Variants in DTYMK observed in about 807,000 individuals in gnomAD.
DTYMK encodes thymidylate kinase.
DTYMK carries 20 observed loss-of-function variants against 20.3 expected under a neutral mutation model. The ratio of observed to expected loss-of-function variants is 0.99; its 90% CI spans 0.69 to 1.43. The LOEUF (loss-of-function observed/expected upper bound fraction) is 1.43, where lower values mean the gene tolerates loss of function less well. DTYMK is among the 40% of genes most tolerant of loss of function. The pLI, the probability that DTYMK is intolerant of heterozygous loss-of-function variation, is 0.00. For synonymous variants in DTYMK, 148 were observed against 124.4 expected (o/e 1.19, Z -1.27); for missense variants, 320 against 291.1 (o/e 1.10, Z -0.72).
chr2:241,680,787 C>G (rs533579200), intron 2 of DTYMK, among the ~76,000 whole-genome samples: 2 of 152,318 alleles, frequency 1.3e-5, no homozygotes, highest in South Asian at 4.1e-4. Context: ...TGGATCTTCT[C>G]TAGAAGATGC....
intron 4 of DTYMK, among the ~76,000 whole-genome samples, chr2:241,676,818 G>A (rs1449700985): frequency 6.6e-6 from 1 of 152,258 alleles, no homozygotes; most frequent in African/African-American, 2.4e-5. Flanking sequence ...CTCGCAAGCG[G>A]CGAGTCGGAA....
rs1392967124 is a variant in DTYMK, at chr2:241,677,370, C to T, written c.528+1082G>A. Among the ~76,000 whole-genome samples, 3 of 152,362 alleles carry T rather than the reference C, an allele frequency of 2.0e-5. 1 individual carries two copies. Among genetic ancestry groups the T allele is most frequent in the Admixed American group, 2.0e-4 (3 of 15,308 alleles). ...GGCGGAATGACTGCCAGAGAGAATG[C>T]CGCACTGCCAGAAAAGGGCACTGCT... is the stretch of plus-strand genomic sequence containing the variant. On this transcript the variant is annotated intron_variant, in intron 4 of 4. Transcript: ENST00000305784.
rs2069178552 is a variant in DTYMK at position 241,678,875 on chromosome 2, A to G, written c.331-226T>C. Among the ~76,000 whole-genome samples, 2 of 152,216 alleles carry G rather than the reference A, an allele frequency of 1.3e-5. 1 individual carries two copies. The highest frequency in any genetic ancestry group is 4.1e-4 in the South Asian group (2 of 4,826). Reference sequence around the variant, plus strand: ...CAAGTGGACAGAAAAGTAGGTAGATAGAACGGCTGCCAGTCCCCGCCACCC... The same window carrying G: ...CAAGTGGACAGAAAAGTAGGTAGATGGAACGGCTGCCAGTCCCCGCCACCC... On this transcript the variant is annotated intron_variant, in intron 3 of 4. Transcript: ENST00000305784.
chr2:241,686,625 G>A (rs1306282944), intron 1 of DTYMK, 29 bp downstream of exon 1: 3 of 1,477,760 alleles, frequency 2.0e-6, no homozygotes, highest in Admixed American at 2.6e-5. Flanking sequence ...ACCGAAGGCC[G>A]CGGCGCACCC....
chr2:241,681,518 C>T lies in DTYMK; in HGVS notation c.240-1199G>A, dbSNP rs558310034. Among the ~76,000 whole-genome samples the T allele has an allele frequency of 2.4e-4, 36 of 152,112 alleles. 1 individual carries two copies. Among genetic ancestry groups the T allele is most frequent in the African/African-American group, 8.2e-4 (34 of 41,506 alleles). On this transcript the variant is annotated intron_variant, in intron 2 of 4. Transcript: ENST00000305784. ...CTGCCTGGGCAATATAGTGAGACCC[C>T]GTTCTCCACAAAAAGTGGGGGAAAA... is the stretch of plus-strand genomic sequence containing the variant.
chr2:241,678,693 GT>G, intron 3 of DTYMK, 44 bp from the exon 4 acceptor site: 18 of 1,596,886 alleles, frequency 1.1e-5, no homozygotes, highest in Non-Finnish European at 1.5e-5. Context: ...TGTAGTCTAG[GT>G]TTTTGTTTCG....
At position 241,676,145 on chromosome 2, in the gene DTYMK, C is replaced by T; in HGVS notation, c.621G>A (p.Leu207=). ...DAIRTATEKP[L]GELWK ...CCTTGGGTCACTTCCATAGCTCCCCCAGCGGCTTCTCTGTGGCAGTGCGGA... is the reference window on the plus strand; with the variant it reads ...CCTTGGGTCACTTCCATAGCTCCCCTAGCGGCTTCTCTGTGGCAGTGCGGA... The change falls in exon 5 of 5, where the codon CTG becomes CTA. Residue 207 remains leucine, a synonymous_variant. Transcript: ENST00000305784. 6.2e-7 allele frequency: 1 copy of T among 1,612,354 alleles called. No individual in the cohort carries two copies.
intron 3 of DTYMK, among the ~76,000 whole-genome samples, 171 bp from the exon 4 acceptor site, chr2:241,678,820 T>C (rs989974429): frequency 6.6e-6 from 1 of 152,240 alleles, no homozygotes; most frequent in Non-Finnish European, 1.5e-5. Flanking sequence ...GTTTCTCCAG[T>C]GTCACCTTTG....
rs576672620 is a variant in DTYMK at position 241,678,428 on chromosome 2, A to C, written c.528+24T>G. The C allele has an allele frequency of 8.2e-5, 132 of 1,613,752 alleles. 2 individuals are homozygous for C. In the South Asian group the frequency reaches 1.1e-3, roughly 13 times the overall value. ...CCTGAGCCACTTCTCCACGCTTCCT[A>C]GTGTGCAATTCTGGGATTCTCACCT... is the stretch of plus-strand genomic sequence containing the variant. On this transcript the variant is annotated intron_variant, in intron 4 of 4. Transcript: ENST00000305784.
At chr2:241,681,341 C>T (rs978786153) in intron 2 of DTYMK, among the ~76,000 whole-genome samples, 1 of 152,182 alleles carries the variant, frequency 6.6e-6, no homozygotes, top group African/African-American at 2.4e-5. Context: ...TGGACATCCT[C>T]ATGAAAGAGA....
At position 241,675,922 on chromosome 2, in the gene DTYMK, C is replaced by G; in HGVS notation, c.*205G>C. Reference sequence around the variant, plus strand: ...CAGGAGACTGCTCCATCGCTCTGCTCATGTCCACACTGCCAAGGTCCCCAC... The same window carrying G: ...CAGGAGACTGCTCCATCGCTCTGCTGATGTCCACACTGCCAAGGTCCCCAC... On this transcript the variant is annotated 3_prime_UTR_variant, in exon 5 of 5. Transcript: ENST00000305784. 5 of 524,884 alleles carry G rather than the reference C, an allele frequency of 9.5e-6. No homozygotes were observed. The highest frequency in any genetic ancestry group is 2.6e-5 in the South Asian group (1 of 38,812). 32.5% of individuals were successfully genotyped at this position (524,884 alleles called of 1,614,324 possible). A position where few individuals can be genotyped will look rare whatever the true frequency, so the allele number is the denominator to read the frequency against.
intron 3 of DTYMK, among the ~76,000 whole-genome samples, chr2:241,679,301 A>G (rs1231832087): frequency 1.3e-5 from 2 of 152,170 alleles, no homozygotes; most frequent in Non-Finnish European, 1.5e-5. Flanking sequence ...CAACAGCACA[A>G]TGAGCTGAGG....
chr2:241,677,876 C>T (rs948504535), intron 4 of DTYMK, among the ~76,000 whole-genome samples: 5 of 152,214 alleles, frequency 3.3e-5, no homozygotes, highest in Admixed American at 3.3e-4. Flanking sequence ...GGCTGGCGCT[C>T]GTGTCTGAAG....
At chr2:241,682,575 C>T (rs2069285008) in intron 2 of DTYMK, among the ~76,000 whole-genome samples, 1 of 152,130 alleles carries the variant, frequency 6.6e-6, no homozygotes, top group African/African-American at 2.4e-5. Flanking sequence ...ATCACTTGAG[C>T]CCAGGAATTT....
intron 2 of DTYMK, among the ~76,000 whole-genome samples, chr2:241,680,864 C>T (rs111677189): frequency 7.9e-4 from 121 of 152,314 alleles, no homozygotes; most frequent in African/African-American, 2.7e-3. Flanking sequence ...ACAAACACAA[C>T]TGGTAAAGTT....
chr2:241,680,673 A>G (rs1444519788), intron 2 of DTYMK, among the ~76,000 whole-genome samples: 3 of 152,126 alleles, frequency 2.0e-5, no homozygotes, highest in Non-Finnish European at 4.4e-5. Context: ...ACTCCATCTC[A>G]AAAAAAGAAA....
At chr2:241,680,825 C>A (rs1193407251) in intron 2 of DTYMK, among the ~76,000 whole-genome samples, 1 of 152,190 alleles carries the variant, frequency 6.6e-6, no homozygotes, top group African/African-American at 2.4e-5. Context: ...CAAAACCCAA[C>A]ATGGAGAAGA....
At position 241,686,788 on chromosome 2, in the gene DTYMK, G is replaced by A; in HGVS notation, c.-5C>T. 2.8e-6 allele frequency: 4 copies of A among 1,449,992 alleles called. No individual in the cohort carries two copies. The highest frequency in any genetic ancestry group is 3.6e-6 in the Non-Finnish European group (4 of 1,114,642). The allele number at this position is 1,449,992 out of a possible 1,614,324, so 89.8% of individuals were successfully genotyped here. A position where few individuals can be genotyped will look rare whatever the true frequency, so the allele number is the denominator to read the frequency against. On this transcript the variant is annotated 5_prime_UTR_variant, in exon 1 of 5. Coordinates refer to ENST00000305784, the MANE Select transcript of DTYMK (RefSeq NM_012145.4). ...AGCCCCGCGCCGGGCCGCCATGACTGTCCACCGCCCGCCGCTGGCGTCTCC... is the reference window on the plus strand; with the variant it reads ...AGCCCCGCGCCGGGCCGCCATGACTATCCACCGCCCGCCGCTGGCGTCTCC...
chr2:241,683,824 G>A (rs1330231613), intron 2 of DTYMK, among the ~76,000 whole-genome samples: 3 of 152,122 alleles, frequency 2.0e-5, no homozygotes, highest in Non-Finnish European at 2.9e-5. Flanking sequence ...GTGGGAGGCC[G>A]ACGTGGGAGG....
Sources: gnomAD v4.1 joint callset for allele counts (sites outside exome capture counted in the v4.1 genomes callset) on GRCh38, gnomAD v4.1.1 for gene constraint, MANE v1.5 for transcripts, NCBI Gene and HGNC (gene_info 2026-07-23, HGNC 2026-07-21) for gene names.